FBXO8: variants seen among roughly 807,000 people sequenced by gnomAD.
FBXO8 encodes F-box only protein 8.
FBXO8 carries 15 observed loss-of-function variants against 33.4 expected under a neutral mutation model. That is an observed-to-expected ratio of 0.45 (90% CI 0.30 to 0.69). FBXO8 has a LOEUF of 0.69. Among genes scored for constraint, FBXO8 ranks in the 30% least tolerant of loss-of-function variants. The pLI is 0.08. For synonymous variants in FBXO8, 132 were observed against 131.5 expected (o/e 1.00, Z -0.02); for missense variants, 274 against 380.3 (o/e 0.72, Z 2.32).
chr4:174,256,252 T>C lies in FBXO8; in HGVS notation c.456+3447A>G, dbSNP rs2126429860. 2.4e-6 allele frequency: 1 copy of C among 417,988 alleles called. No homozygotes were observed. The highest frequency in any genetic ancestry group is 2.1e-5 in the African/African-American group (1 of 48,428). 25.9% of individuals were successfully genotyped at this position (417,988 alleles called of 1,614,324 possible). A position where few individuals can be genotyped will look rare whatever the true frequency, so the allele number is the denominator to read the frequency against. On this transcript the variant is annotated intron_variant, in intron 3 of 5. Transcript: ENST00000393674. The surrounding 1 kb of genome is among the most constrained non-coding windows in gnomAD (Gnocchi z 4.6). The stretch of plus-strand genomic sequence containing the variant: ...GTAGACTTTTTACAATACTAAGCAA[T>C]TATATACATCTTATCTCAGGTACTT...
intron 1 of FBXO8, among the ~76,000 whole-genome samples, chr4:174,280,809 C>A (rs1321292173): frequency 6.6e-6 from 1 of 152,118 alleles, no homozygotes; most frequent in East Asian, 1.9e-4. Flanking sequence ...AATATGAATA[C>A]AAACACTTCC....
intron 1 of FBXO8, among the ~76,000 whole-genome samples, chr4:174,273,916 T>C (rs1452158754): frequency 6.6e-6 from 1 of 152,166 alleles, no homozygotes; most frequent in Non-Finnish European, 1.5e-5. Flanking sequence ...AAAGAAATAG[T>C]GGTCCAGAGA....
rs1314042046 is a variant in FBXO8, at chr4:174,251,848, A to T, written c.456+7851T>A. Among the ~76,000 whole-genome samples the T allele has an allele frequency of 2.0e-5, 3 of 152,178 alleles. No homozygotes were observed. The highest frequency in any genetic ancestry group is 7.2e-5 in the African/African-American group (3 of 41,460). ...GCTCCTATGGGTAAACAGTTCTTAC[A>T]GAGGGGGGAGCTACTTAAGCCATAT... On this transcript the variant is annotated intron_variant, in intron 3 of 5. Coordinates refer to ENST00000393674, the MANE Select transcript of FBXO8 (RefSeq NM_012180.3). This position sits in a 1 kb window ranked among gnomAD's most constrained non-coding sequence, Gnocchi z 4.2.
In FBXO8 at chr4:174,241,950, A is replaced by G. The variant is rs566367713; in HGVS notation, c.457-732T>C. Among the ~76,000 whole-genome samples, 1 of 151,544 alleles carries G rather than the reference A, an allele frequency of 6.6e-6. No individual in the cohort carries two copies. The highest frequency in any genetic ancestry group is 6.6e-5 in the Admixed American group (1 of 15,192). ...TTTTTACCTACTTTAGATTTAAACCACCACCAACAAAACACCACCAACAAA... is the reference window on the plus strand; with the variant it reads ...TTTTTACCTACTTTAGATTTAAACCGCCACCAACAAAACACCACCAACAAA... On this transcript the variant is annotated intron_variant, in intron 3 of 5. Coordinates refer to ENST00000393674, the MANE Select transcript of FBXO8 (RefSeq NM_012180.3). The surrounding 1 kb of genome is among the most constrained non-coding windows in gnomAD (Gnocchi z 4.2).
At chr4:174,269,298 CT>C (rs1179110382) in intron 1 of FBXO8, 2 of 151,278 alleles carry the variant, frequency 1.3e-5, no homozygotes, top group Admixed American at 6.6e-5. Flanking sequence ...AGTTGAAACT[CT>C]TCCTTTCCAA....
intron 1 of FBXO8, among the ~76,000 whole-genome samples, chr4:174,279,159 T>A (rs138334246): frequency 3.9e-5 from 6 of 151,988 alleles, no homozygotes; most frequent in Admixed American, 6.5e-5. Context: ...AACTAATAAA[T>A]CCATTCAGCA....
rs1377671993 is a variant in FBXO8 at position 174,283,243 on chromosome 4, C to G, written c.-9+167G>C. Among the ~76,000 whole-genome samples the G allele has an allele frequency of 6.6e-6, 1 of 152,222 alleles. No homozygotes were observed. Among genetic ancestry groups the G allele is most frequent in the Non-Finnish European group, 1.5e-5 (1 of 68,046 alleles). Reference sequence around the variant, plus strand: ...AGTGATTCCTCACTTTAATGAGCCACCACTACTGTCACTCAAGATGCTTCG... The same window carrying G: ...AGTGATTCCTCACTTTAATGAGCCAGCACTACTGTCACTCAAGATGCTTCG... On this transcript the variant is annotated intron_variant, in intron 1 of 5. Transcript: ENST00000393674. The surrounding 1 kb of genome is among the most constrained non-coding windows in gnomAD (Gnocchi z 6.7).
rs1279452216 is a variant in FBXO8 at position 174,253,318 on chromosome 4, TA to T, written c.456+6380del. Among the ~76,000 whole-genome samples, 1 of 152,216 alleles carries T rather than the reference TA, an allele frequency of 6.6e-6. No homozygotes were observed. Among genetic ancestry groups the T allele is most frequent in the Non-Finnish European group, 1.5e-5 (1 of 68,042 alleles). On this transcript the variant is annotated intron_variant, in intron 3 of 5. Transcript: ENST00000393674. The surrounding 1 kb of genome is among the most constrained non-coding windows in gnomAD (Gnocchi z 4.5). ...CCTTTTCTTTTGCCACACTGTGTAG[TA>T]GTATTTCCCTCTGGTTATCAGGCTT...
chr4:174,240,199 C>G (rs1053603343), intron 4 of FBXO8, among the ~76,000 whole-genome samples: 3 of 150,836 alleles, frequency 2.0e-5, no homozygotes, highest in African/African-American at 7.3e-5. Flanking sequence ...CTGCCTATCC[C>G]TAGGTACTTG....
intron 4 of FBXO8, among the ~76,000 whole-genome samples, chr4:174,240,677 C>T (rs1234037427): frequency 6.6e-6 from 1 of 151,504 alleles, no homozygotes; most frequent in South Asian, 2.1e-4. Flanking sequence ...AATATATATA[C>T]CTTATATCCC....
At position 174,257,533 on chromosome 4, in the gene FBXO8, T is replaced by C. The variant is rs1472426569; in HGVS notation, c.456+2166A>G. On this transcript the variant is annotated intron_variant, in intron 3 of 5. Transcript: ENST00000393674. The surrounding 1 kb of genome is among the most constrained non-coding windows in gnomAD (Gnocchi z 4.3). ...CTTGATTAAATGGGCATAATAAGAC[T>C]GGGGCTTAAAACAGCTGCCTCTCCT... Among the ~76,000 whole-genome samples the C allele has an allele frequency of 6.6e-6, 1 of 152,142 alleles. No homozygotes were observed. The highest frequency in any genetic ancestry group is 2.4e-5 in the African/African-American group (1 of 41,436).
At chr4:174,264,054 T>C (rs954416801) in intron 1 of FBXO8, among the ~76,000 whole-genome samples, 2 of 152,210 alleles carry the variant, frequency 1.3e-5, no homozygotes, top group African/African-American at 4.8e-5. Flanking sequence ...TCATGATCTC[T>C]TTTTCAAACA....
At chr4:174,268,748 A>G (rs1736762789) in intron 1 of FBXO8, among the ~76,000 whole-genome samples, 3 of 152,144 alleles carry the variant, frequency 2.0e-5, no homozygotes, top group Admixed American at 1.3e-4. Context: ...GGGCCGTTTT[A>G]AACACTAAAA....
In FBXO8 at chr4:174,274,096, T is replaced by A. The variant is rs1295977469; in HGVS notation, c.-9+9314A>T. 6.6e-6 allele frequency among the ~76,000 whole-genome samples: 1 copy of A among 152,226 alleles called. No homozygotes were observed. Among genetic ancestry groups the A allele is most frequent in the African/African-American group, 2.4e-5 (1 of 41,458 alleles). ...AATTTACCATCTGTTTCTTCACCAC[T>A]GGTTCTCATCTCTTTTTACCCCGTC... On this transcript the variant is annotated intron_variant, in intron 1 of 5. Coordinates refer to ENST00000393674, the MANE Select transcript of FBXO8 (RefSeq NM_012180.3). This position sits in a 1 kb window ranked among gnomAD's most constrained non-coding sequence, Gnocchi z 4.0.
In FBXO8 at chr4:174,245,949, G is replaced by A. The variant is rs1736148227; in HGVS notation, c.457-4731C>T. Among the ~76,000 whole-genome samples, 1 of 151,932 alleles carries A rather than the reference G, an allele frequency of 6.6e-6. No homozygotes were observed. Among genetic ancestry groups the A allele is most frequent in the African/African-American group, 2.4e-5 (1 of 41,388 alleles). ...AGAGGGTGTTGATTTGAAGAAAACAGTGATGAGTTAGCTTTTAGACATGTT... is the reference window on the plus strand; with the variant it reads ...AGAGGGTGTTGATTTGAAGAAAACAATGATGAGTTAGCTTTTAGACATGTT... On this transcript the variant is annotated intron_variant, in intron 3 of 5. Coordinates refer to ENST00000393674, the MANE Select transcript of FBXO8 (RefSeq NM_012180.3). The surrounding 1 kb of genome is among the most constrained non-coding windows in gnomAD (Gnocchi z 4.6).
In FBXO8 at chr4:174,238,712, TGTAGGTA is replaced by T. The variant is rs775203377; in HGVS notation, c.772+275_772+281del. ...TAATATATATATTTATATATAAATT[TGTAGGTA>T]ATATATAAAAAATATAAATGGCTAT... is the stretch of plus-strand genomic sequence containing the variant. On this transcript the variant is annotated intron_variant, in intron 5 of 5. Coordinates refer to ENST00000393674, the MANE Select transcript of FBXO8 (RefSeq NM_012180.3). Among the ~76,000 whole-genome samples the T allele has an allele frequency of 1.4e-3, 209 of 149,188 alleles. 1 individual carries two copies. The highest frequency in any genetic ancestry group is 3.1e-3 in the South Asian group (15 of 4,770).
At chr4:174,239,835 T>A (rs199669268) in intron 4 of FBXO8, among the ~76,000 whole-genome samples, 1 of 151,612 alleles carries the variant, frequency 6.6e-6, no homozygotes, top group East Asian at 1.9e-4. Flanking sequence ...TCTAATTTTT[T>A]AAAAAAATCA....
chr4:174,279,355 A>C (rs544972140), intron 1 of FBXO8, among the ~76,000 whole-genome samples: 1 of 152,278 alleles, frequency 6.6e-6, no homozygotes, highest in Admixed American at 6.5e-5. Flanking sequence ...CACTACTGAA[A>C]GAAGTGAAAG....
chr4:174,261,651 A>C lies in FBXO8; in HGVS notation c.329+1113T>G, dbSNP rs963314538. Among the ~76,000 whole-genome samples, 1 of 152,032 alleles carries C rather than the reference A, an allele frequency of 6.6e-6. No homozygotes were observed. The highest frequency in any genetic ancestry group is 1.5e-5 in the Non-Finnish European group (1 of 67,896). On this transcript the variant is annotated intron_variant, in intron 2 of 5. Coordinates refer to ENST00000393674, the MANE Select transcript of FBXO8 (RefSeq NM_012180.3). The surrounding 1 kb of genome is among the most constrained non-coding windows in gnomAD (Gnocchi z 4.1). ...ACGTAGTACTTTCACTATGTCAAAC[A>C]AATGAGTAAAAGAATAACAAGATAT...
Sources: allele counts gnomAD v4.1 joint callset (sites outside exome capture counted in the v4.1 genomes callset), GRCh38; gene constraint gnomAD v4.1.1; non-coding constraint Gnocchi (gnomAD v3.1); transcripts MANE v1.5; gene names NCBI Gene and HGNC (gene_info 2026-07-23, HGNC 2026-07-21).